PCDHA10: variants seen among roughly 807,000 people sequenced by gnomAD.
The protein encoded by PCDHA10 is protocadherin alpha 10, also known as protocadherin alpha-10.
A neutral mutation model predicts 61.2 loss-of-function variants in PCDHA10; 45 were observed. The observed-to-expected ratio is 0.74, with a 90% CI of 0.58 to 0.94. The LOEUF is 0.94. Ranked by LOEUF, PCDHA10 falls within the 40% of genes least tolerant of loss-of-function variation. The pLI is 0.00. For synonymous variants in PCDHA10, 602 were observed against 548.8 expected (o/e 1.10, Z -1.35); for missense variants, 1,278 against 1,236.2 (o/e 1.03, Z -0.51).
chr5:140,882,066 T>G (rs1198525083), intron 1 of PCDHA10: 1 of 845,446 alleles, frequency 1.2e-6, no homozygotes, highest in East Asian at 2.7e-5. Context: ...TACACGTTCA[T>G]GCGCATGGTG....
At chr5:140,877,488 C>T (rs781785108) in intron 1 of PCDHA10, 9 of 1,613,736 alleles carry the variant, frequency 5.6e-6, no homozygotes, top group Admixed American at 5.0e-5. Flanking sequence ...TGGTGGAGAA[C>T]GGCCAGGCCC....
chr5:140,999,066 T>G (rs2097845533), intron 3 of PCDHA10, among the ~76,000 whole-genome samples: 1 of 152,214 alleles, frequency 6.6e-6, no homozygotes, highest in Admixed American at 6.5e-5. Flanking sequence ...CTAAGTAGTC[T>G]CCTTCACTTC....
intron 1 of PCDHA10, among the ~76,000 whole-genome samples, chr5:140,906,958 G>A (rs1220105162): frequency 1.3e-5 from 2 of 152,124 alleles, no homozygotes; most frequent in Non-Finnish European, 2.9e-5. Flanking sequence ...CAGTTTAATG[G>A]AATCGTGGTT....
At chr5:140,906,518 A>G (rs377287696) in intron 1 of PCDHA10, among the ~76,000 whole-genome samples, 161 of 152,358 alleles carry the variant, frequency 1.1e-3, no homozygotes, top group African/African-American at 3.7e-3. Flanking sequence ...AGGAGGAAAT[A>G]CTCACGACAA....
chr5:140,884,092 G>C, intron 1 of PCDHA10: 2 of 1,613,556 alleles, frequency 1.2e-6, no homozygotes, highest in Non-Finnish European at 1.7e-6. Context: ...CGTGGCTTTC[G>C]TATGAATTGC....
Position 141,010,344 on chromosome 5 carries a change from G to A in PCDHA10, c.*407G>A, listed in dbSNP as rs1011321402. On this transcript the variant is annotated 3_prime_UTR_variant, in exon 4 of 4. Coordinates refer to ENST00000307360, the MANE Select transcript of PCDHA10 (RefSeq NM_018901.4). Reference sequence around the variant, plus strand: ...CAGCTTGGGAGTTTGTGGCCACTGGGTATGTGTGGCTACCGCGGGTATGCG... The same window carrying A: ...CAGCTTGGGAGTTTGTGGCCACTGGATATGTGTGGCTACCGCGGGTATGCG... 3 of 1,518,888 alleles carry A rather than the reference G, an allele frequency of 2.0e-6. No homozygotes were observed. The Admixed American group carries it at 6.4e-5, about 33-fold the overall frequency. 94.1% of individuals were successfully genotyped at this position (1,518,888 alleles called of 1,614,324 possible).
intron 1 of PCDHA10, chr5:140,875,507 A>G: frequency 6.2e-7 from 1 of 1,613,674 alleles, no homozygotes. Context: ...CCGGGATCCC[A>G]GCGTCTGCTG....
intron 3 of PCDHA10, among the ~76,000 whole-genome samples, chr5:141,008,498 T>G (rs2098379874): frequency 6.6e-6 from 1 of 152,158 alleles, no homozygotes. Context: ...CTGGTATACT[T>G]TATGGTGTGT....
At chr5:140,941,191 T>TTTCTTTCTTTC (rs1487503403) in intron 1 of PCDHA10, among the ~76,000 whole-genome samples, 64 of 93,246 alleles carry the variant, frequency 6.9e-4, no homozygotes, top group South Asian at 4.2e-3. Context: ...GCTTCTTTTT[T>TTTCTTTCTTTC]TTTCTTTCTT....
intron 1 of PCDHA10, among the ~76,000 whole-genome samples, chr5:140,955,559 A>G (rs1220948022): frequency 6.6e-6 from 1 of 152,164 alleles, no homozygotes; most frequent in African/African-American, 2.4e-5. Flanking sequence ...CTCCCCAGCC[A>G]TACTGAACTG....
At chr5:140,923,181 A>T (rs2081206798) in intron 1 of PCDHA10, among the ~76,000 whole-genome samples, 1 of 152,158 alleles carries the variant, frequency 6.6e-6, no homozygotes, top group Non-Finnish European at 1.5e-5. Flanking sequence ...GTTCAGATGC[A>T]TCTACTGCAG....
intron 1 of PCDHA10, chr5:140,877,428 G>A: frequency 6.2e-7 from 1 of 1,613,886 alleles, no homozygotes; most frequent in Non-Finnish European, 8.5e-7. Flanking sequence ...TGCTGGTGAA[G>A]GACCACGGTG....
At chr5:141,007,395 CAAAAA>C (rs35800918) in intron 3 of PCDHA10, among the ~76,000 whole-genome samples, 1 of 94,866 alleles carries the variant, frequency 1.1e-5, no homozygotes, top group Non-Finnish European at 2.1e-5. Flanking sequence ...TACTAAAATA[CAAAAA>C]AAAAAAAAAA....
intron 1 of PCDHA10, chr5:140,862,764 G>A (rs375357178): frequency 5.0e-5 from 29 of 577,184 alleles, no homozygotes; most frequent in Middle Eastern, 5.6e-4. Flanking sequence ...GCGGCAAGAG[G>A]TACGCGTTGC....
intron 1 of PCDHA10, among the ~76,000 whole-genome samples, chr5:140,896,522 G>A (rs1228394123): frequency 6.7e-6 from 1 of 149,268 alleles, no homozygotes; most frequent in Non-Finnish European, 1.5e-5. Context: ...ACACCACAAA[G>A]CCCAGCTATT....
intron 1 of PCDHA10, chr5:140,883,717 C>A (rs926863988): frequency 6.2e-7 from 1 of 1,613,614 alleles, no homozygotes. Context: ...AGGACGCGGA[C>A]GCACAGGAGA....
At chr5:140,869,174 G>A (rs2050887580) in intron 1 of PCDHA10, 1 of 1,613,958 alleles carries the variant, frequency 6.2e-7, no homozygotes, top group Non-Finnish European at 8.5e-7. Flanking sequence ...CTCGAATTCT[G>A]GGAGGTGGGG....
intron 1 of PCDHA10, among the ~76,000 whole-genome samples, chr5:140,977,051 G>T (rs2096743579): frequency 6.6e-6 from 1 of 152,178 alleles, no homozygotes; most frequent in South Asian, 2.1e-4. Flanking sequence ...GTTGCTGATG[G>T]ACTAGTATAG....
intron 1 of PCDHA10, among the ~76,000 whole-genome samples, chr5:140,946,634 A>ATAT (rs1554217761): frequency 1.4e-5 from 2 of 147,350 alleles, no homozygotes; most frequent in Non-Finnish European, 3.0e-5. Context: ...ATATATATAC[A>ATAT]ATGGAATACT....
Sources: allele counts gnomAD v4.1 joint callset (sites outside exome capture counted in the v4.1 genomes callset), GRCh38; gene constraint gnomAD v4.1.1; transcripts MANE v1.5; gene names NCBI Gene and HGNC (gene_info 2026-07-23, HGNC 2026-07-21).